Variants in GNA15 observed in about 807,000 individuals in gnomAD.
The protein encoded by GNA15 is guanine nucleotide-binding protein subunit alpha-15.
GNA15 carries 23 observed loss-of-function variants against 40.1 expected under a neutral mutation model. The observed-to-expected ratio is 0.57, with a 90% CI of 0.41 to 0.81. GNA15 has a LOEUF of 0.81. Among genes scored for constraint, GNA15 ranks in the 40% least tolerant of loss-of-function variants. The pLI is 0.00. For synonymous variants in GNA15, 226 were observed against 210.4 expected (o/e 1.07, Z -0.64); for missense variants, 522 against 515.8 (o/e 1.01, Z -0.12).
chr19:3,151,681 G>A lies in GNA15; in HGVS notation c.486-26G>A. 1 of 1,550,078 alleles carries A rather than the reference G, an allele frequency of 6.5e-7. No homozygotes were observed. Among genetic ancestry groups the A allele is most frequent in the Non-Finnish European group, 8.7e-7 (1 of 1,147,390 alleles). ...GCAAAGGGAGGCTGGCTGCAAGGCT[G>A]GGCCTCAGGACTCCTTGCTCTGCAG... On this transcript the variant is annotated intron_variant, in intron 3 of 6. Coordinates refer to ENST00000262958, the MANE Select transcript of GNA15 (RefSeq NM_002068.4). This position sits in a 1 kb window ranked among gnomAD's most constrained non-coding sequence, Gnocchi z 5.0.
At chr19:3,154,156 A>G (rs1450630663) in intron 4 of GNA15, among the ~76,000 whole-genome samples, 9 of 131,686 alleles carry the variant, frequency 6.8e-5, no homozygotes, top group Non-Finnish European at 1.1e-4. Context: ...AGATGGATGG[A>G]TGGGTGGGAT....
rs979885884 is a variant in GNA15 at position 3,144,766 on chromosome 19, G to A, written c.146-3825G>A. 8.6e-5 allele frequency among the ~76,000 whole-genome samples: 13 copies of A among 151,642 alleles called. 1 individual carries two copies. Among genetic ancestry groups the A allele is most frequent in the Admixed American group, 5.3e-4 (8 of 15,202 alleles). On this transcript the variant is annotated intron_variant, in intron 1 of 6. Coordinates refer to ENST00000262958, the MANE Select transcript of GNA15 (RefSeq NM_002068.4). The stretch of plus-strand genomic sequence containing the variant: ...GATGGTCTCGATCTCCTGACCTCGT[G>A]ATCCGCCCGCCTTGGCCTCCCATAG...
Position 3,150,226 on chromosome 19 carries a change from C to T in GNA15, c.426C>T (p.Ala142=), listed in dbSNP as rs143346089. The part of the protein sequence containing the change: ...AAAMQWLWRD[A]GIRACYERRR... ...CCATGCAGTGGCTGTGGAGGGATGC[C>T]GGCATCCGGGCCTGCTATGAGCGTC... Residue 142 remains alanine, a synonymous_variant, in exon 3 of 7, where the codon GCC becomes GCT. Transcript: ENST00000262958. The T allele has an allele frequency of 6.2e-7, 1 of 1,610,942 alleles. No individual in the cohort carries two copies. Among genetic ancestry groups the T allele is most frequent in the South Asian group, 1.1e-5 (1 of 90,870 alleles).
At chr19:3,157,904 A>G (rs1915067407) in intron 6 of GNA15, 23 bp downstream of exon 6, 2 of 1,584,356 alleles carry the variant, frequency 1.3e-6, no homozygotes, top group Admixed American at 1.7e-5. Context: ...AGAACTTTCT[A>G]TACCCTTCAA....
In GNA15 at chr19:3,145,359, A is replaced by ATATATATATATATATATATAT; in HGVS notation, c.146-3231_146-3230insATATATATATATATATATATT. 2.2e-3 allele frequency among the ~76,000 whole-genome samples: 103 copies of ATATATATATATATATATATAT among 46,948 alleles called. 1 individual carries two copies. Among genetic ancestry groups the ATATATATATATATATATATAT allele is most frequent in the South Asian group, 3.0e-3 (4 of 1,340 alleles). The allele number at this position is 46,948 out of a possible 152,430, so 30.8% of individuals were successfully genotyped here. On this transcript the variant is annotated intron_variant, in intron 1 of 6. Transcript: ENST00000262958. Reference sequence around the variant, plus strand: ...TAAATATATATATATATATATATATATTTTTTTTTTTTTGTAGAGATGGGG... The same window carrying ATATATATATATATATATATAT: ...TAAATATATATATATATATATATATATATATATATATATATATATATTTTTTTTTTTTTTGTAGAGATGGGG...
At chr19:3,139,413 C>A (rs62127293) in intron 1 of GNA15, among the ~76,000 whole-genome samples, 3,866 of 151,508 alleles carry the variant, frequency 0.026, 70 homozygotes, top group Non-Finnish European at 0.04. Flanking sequence ...TTAGCAAGAC[C>A]CAGTCTCTAA....
chr19:3,137,309 G>A (rs1914480699), intron 1 of GNA15, among the ~76,000 whole-genome samples: 1 of 152,176 alleles, frequency 6.6e-6, no homozygotes, highest in Non-Finnish European at 1.5e-5. Flanking sequence ...TGGCTTCCAT[G>A]CGGAGGCTTC....
intron 1 of GNA15, among the ~76,000 whole-genome samples, chr19:3,145,359 A>ATATATATATATATATATATTTT: frequency 6.4e-5 from 3 of 46,962 alleles, no homozygotes; most frequent in Non-Finnish European, 1.2e-4. Context: ...ATATATATAT[A>ATATATATATATATATATATTTT]TTTTTTTTTT....
rs548934913 is a variant in GNA15, at chr19:3,155,369, G to A, written c.615-454G>A. ...CTGAGTCACAGATGGAGGGGAGGAC[G>A]TGTGCTCTGGGAACAGCCCTCATTC... On this transcript the variant is annotated intron_variant, in intron 4 of 6. Coordinates refer to ENST00000262958, the MANE Select transcript of GNA15 (RefSeq NM_002068.4). This position sits in a 1 kb window ranked among gnomAD's most constrained non-coding sequence, Gnocchi z 5.6. Among the ~76,000 whole-genome samples, 11 of 152,286 alleles carry A rather than the reference G, an allele frequency of 7.2e-5. No individual in the cohort carries two copies. The highest frequency in any genetic ancestry group is 2.6e-4 in the African/African-American group (11 of 41,564).
In GNA15 at chr19:3,162,862, G is replaced by C; in HGVS notation, c.968G>C (p.Cys323Ser). ...LDMYTRMYTG[C>S]VDGPEGSKKG... ...ATGTACACGAGGATGTACACCGGGT[G>C]CGTGGACGGCCCCGAGGGCAGCAAG... The change falls in exon 7 of 7, where the codon TGC becomes TCC. Residue 323 changes from cysteine to serine, a missense_variant. Cys to Ser is a moderately radical substitution (Grantham distance 112). Transcript: ENST00000262958. 1 of 1,614,058 alleles carries C rather than the reference G, an allele frequency of 6.2e-7. No individual in the cohort carries two copies.
In GNA15 at chr19:3,163,008, A is replaced by C. The variant is rs780149273; in HGVS notation, c.1114A>C (p.Asn372His). ...GCTCGCCCGCTACCTGGACGAGATC[A>C]ACCTGCTGTGACCCAGGCCCCACCT... ...SVLARYLDEI[N>H]LL The change falls in exon 7 of 7, where the codon AAC (asparagine) becomes CAC (histidine). Residue 372 changes from asparagine to histidine, a missense_variant. Transcript: ENST00000262958. 6.2e-7 allele frequency: 1 copy of C among 1,612,770 alleles called. No individual in the cohort carries two copies. The highest frequency in any genetic ancestry group is 1.1e-5 in the South Asian group (1 of 91,060).
intron 2 of GNA15, chr19:3,149,070 C>T (rs936409056): frequency 1.3e-5 from 5 of 392,048 alleles, no homozygotes; most frequent in Non-Finnish European, 2.4e-5. Context: ...CACACGCATG[C>T]CCACATGCAC....
intron 1 of GNA15, chr19:3,141,438 C>G (rs905505548): frequency 2.0e-5 from 3 of 152,066 alleles, no homozygotes; most frequent in African/African-American, 7.2e-5. Context: ...CTCTATCACC[C>G]CGGTTGGAGT....
At chr19:3,142,270 G>C (rs4807407) in intron 1 of GNA15, 1 of 152,232 alleles carries the variant, frequency 6.6e-6, no homozygotes, top group African/African-American at 2.4e-5. Flanking sequence ...ATGTCTGGGG[G>C]TCGGGGGGCA....
chr19:3,148,445 C>T, intron 1 of GNA15, 146 bp from the exon 2 acceptor site: 1 of 727,188 alleles, frequency 1.4e-6, no homozygotes, highest in Non-Finnish European at 2.2e-6. Flanking sequence ...AGCCGCTAGC[C>T]TAGGGTCACT....
chr19:3,149,039 A>ACATG (rs67862353), intron 2 of GNA15: 1 of 332,168 alleles, frequency 3.0e-6, no homozygotes, highest in African/African-American at 8.2e-5. Context: ...AAGGACACAC[A>ACATG]CGTACATGCT....
intron 6 of GNA15, among the ~76,000 whole-genome samples, chr19:3,162,531 G>A (rs1463496338): frequency 1.3e-5 from 2 of 152,186 alleles, no homozygotes; most frequent in Admixed American, 1.3e-4. Flanking sequence ...CTTTAACACA[G>A]TTCTGCCCGA....
chr19:3,138,415 G>A (rs796074680), intron 1 of GNA15, among the ~76,000 whole-genome samples: 2 of 152,210 alleles, frequency 1.3e-5, no homozygotes, highest in African/African-American at 4.8e-5. Context: ...CGAGCTCTGG[G>A]TTGGGGGCTG....
At chr19:3,145,359 A>ATATATATATATATATATATATCT in intron 1 of GNA15, among the ~76,000 whole-genome samples, 1 of 46,972 alleles carries the variant, frequency 2.1e-5, no homozygotes, top group Non-Finnish European at 3.9e-5. Context: ...ATATATATAT[A>ATATATATATATATATATATATCT]TTTTTTTTTT....
Sources: gnomAD v4.1 joint callset for allele counts (sites outside exome capture counted in the v4.1 genomes callset) on GRCh38, gnomAD v4.1.1 for gene constraint, Gnocchi (gnomAD v3.1) non-coding constraint, MANE v1.5 for transcripts, NCBI Gene and HGNC (gene_info 2026-07-23, HGNC 2026-07-21) for gene names.